Variants in LRRC4C observed in about 807,000 individuals in gnomAD.
LRRC4C encodes the protein leucine rich repeat containing 4C, also known as leucine-rich repeat-containing protein 4C.
In LRRC4C, 5 loss-of-function variants were observed where a neutral mutation model predicts 33.6. The ratio of observed to expected loss-of-function variants is 0.15; its 90% CI spans 0.08 to 0.31. The LOEUF is 0.31. Among genes scored for constraint, LRRC4C ranks in the 10% least tolerant of loss-of-function variants. LRRC4C has a pLI of 1.00. For missense variants in LRRC4C, 560 were observed against 796.7 expected, an observed-to-expected ratio of 0.70 and a Z score of 3.58; for synonymous variants, 329 against 302.0, an observed-to-expected ratio of 1.09 and a Z score of -0.93.
intron 5 of LRRC4C, among the ~76,000 whole-genome samples, chr11:40,208,240 A>G (rs906024686): frequency 2.6e-5 from 4 of 152,216 alleles, no homozygotes; most frequent in African/African-American, 9.6e-5. Flanking sequence ...AAGTCAAAAC[A>G]CTACAAAATT....
intron 2 of LRRC4C, among the ~76,000 whole-genome samples, chr11:40,818,343 T>A (rs1951788604): frequency 6.6e-6 from 1 of 152,102 alleles, no homozygotes; most frequent in African/African-American, 2.4e-5. Context: ...CCTTCCATCT[T>A]TATATATCCA....
intron 2 of LRRC4C, among the ~76,000 whole-genome samples, chr11:40,816,955 T>C (rs1025955384): frequency 1.2e-4 from 19 of 152,136 alleles, no homozygotes; most frequent in Non-Finnish European, 2.4e-4. Flanking sequence ...TAAAGACAGG[T>C]ATTCCTGGAT....
intron 3 of LRRC4C, among the ~76,000 whole-genome samples, chr11:40,586,828 A>G (rs1411855261): frequency 6.6e-6 from 1 of 151,990 alleles, no homozygotes; most frequent in African/African-American, 2.4e-5. Context: ...TGTTCCATTG[A>G]TCTATATCTC....
intron 1 of LRRC4C, among the ~76,000 whole-genome samples, chr11:41,154,037 A>C (rs1285611532): frequency 6.6e-6 from 1 of 152,180 alleles, no homozygotes; most frequent in African/African-American, 2.4e-5. Flanking sequence ...TGTCACCTAG[A>C]GCTTGAAACG....
In LRRC4C at chr11:41,361,023, C is replaced by G. The variant is rs559946300; in HGVS notation, c.-496+98408G>C. On this transcript the variant is annotated intron_variant, in intron 1 of 6. Coordinates refer to ENST00000528697, the MANE Select transcript of LRRC4C (RefSeq NM_001258419.2). ...ACTACACAATATAAATGATTTGAGT[C>G]TAAATCAAAAGAGTCTGTGTTACAA... 1.1e-4 allele frequency among the ~76,000 whole-genome samples: 17 copies of G among 152,274 alleles called. No homozygotes were observed. In the East Asian group the frequency reaches 3.1e-3, roughly 28 times the overall value.
intron 6 of LRRC4C, among the ~76,000 whole-genome samples, chr11:40,122,607 G>A (rs935352290): frequency 3.3e-5 from 5 of 152,030 alleles, no homozygotes; most frequent in Middle Eastern, 3.2e-3. Context: ...ACTTTGTGAG[G>A]TGGTTCTTTT....
chr11:40,163,545 T>G (rs1590582959), intron 5 of LRRC4C, among the ~76,000 whole-genome samples: 1 of 152,306 alleles, frequency 6.6e-6, no homozygotes, highest in Non-Finnish European at 1.5e-5. Flanking sequence ...TATTTATATA[T>G]ATTTGTGTAT....
chr11:40,990,675 TA>T (rs1425563561), intron 1 of LRRC4C, among the ~76,000 whole-genome samples: 4 of 152,160 alleles, frequency 2.6e-5, no homozygotes, highest in South Asian at 2.1e-4. Flanking sequence ...AGAGCAGTGG[TA>T]GATAAAACTG....
At chr11:41,206,968 CTATATA>C (rs1364240235) in intron 1 of LRRC4C, among the ~76,000 whole-genome samples, 1 of 151,928 alleles carries the variant, frequency 6.6e-6, no homozygotes, top group Non-Finnish European at 1.5e-5. Context: ...ATGCTATACA[CTATATA>C]TATATTTTTC....
intron 1 of LRRC4C, among the ~76,000 whole-genome samples, chr11:41,179,318 A>C (rs1945342921): frequency 6.6e-6 from 1 of 152,260 alleles, no homozygotes; most frequent in South Asian, 2.1e-4. Flanking sequence ...TCTAACACTC[A>C]GTTTACCAAG....
At chr11:41,055,712 C>T (rs965711974) in intron 1 of LRRC4C, among the ~76,000 whole-genome samples, 6 of 152,080 alleles carry the variant, frequency 3.9e-5, no homozygotes, top group African/African-American at 1.2e-4. Context: ...TATACGTATG[C>T]TTTTGTGGGA....
In LRRC4C at chr11:41,409,942, CTAA is replaced by C. The variant is rs954832004; in HGVS notation, c.-496+49486_-496+49488del. 1.6e-4 allele frequency among the ~76,000 whole-genome samples: 25 copies of C among 152,204 alleles called. No homozygotes were observed. The South Asian group carries it at 1.7e-3, about 10-fold the overall frequency. On this transcript the variant is annotated intron_variant, in intron 1 of 6. Coordinates refer to ENST00000528697, the MANE Select transcript of LRRC4C (RefSeq NM_001258419.2). ...TTAATGTTTTTTTATTTCCATCATC[CTAA>C]TGAGAGAAATATGTGCATTTGTACC... is the stretch of plus-strand genomic sequence containing the variant.
Position 41,183,629 on chromosome 11 carries a change from G to T in LRRC4C, c.-495-249906C>A, listed in dbSNP as rs114847954. 6.3e-3 allele frequency among the ~76,000 whole-genome samples: 953 copies of T among 152,258 alleles called. 15 individuals are homozygous for T. Among genetic ancestry groups the T allele is most frequent in the African/African-American group, 0.022 (905 of 41,556 alleles). On this transcript the variant is annotated intron_variant, in intron 1 of 6. Transcript: ENST00000528697. ...CTGCTGGCTGCTTTCACAAGCTGGT[G>T]TTGTGTCTGCAGCTTTTCCAGGCAC...
At chr11:40,673,021 G>A (rs1050244544) in intron 2 of LRRC4C, among the ~76,000 whole-genome samples, 22 of 149,970 alleles carry the variant, frequency 1.5e-4, no homozygotes, top group African/African-American at 5.2e-4. Context: ...TATTACCTAA[G>A]CCTATCTTAA....
intron 1 of LRRC4C, among the ~76,000 whole-genome samples, chr11:41,288,422 G>A (rs1002643465): frequency 6.6e-6 from 1 of 152,104 alleles, no homozygotes; most frequent in Non-Finnish European, 1.5e-5. Flanking sequence ...GGGAGAGAGA[G>A]TGTATGAGAC....
intron 1 of LRRC4C, among the ~76,000 whole-genome samples, chr11:41,278,697 C>T (rs1193402475): frequency 6.6e-6 from 1 of 152,224 alleles, no homozygotes; most frequent in Non-Finnish European, 1.5e-5. Flanking sequence ...GTCCTGGAAT[C>T]ACTGCTGAAG....
chr11:40,582,025 G>T (rs908915457), intron 3 of LRRC4C, among the ~76,000 whole-genome samples: 1 of 152,082 alleles, frequency 6.6e-6, no homozygotes, highest in Admixed American at 6.5e-5. Flanking sequence ...AGTGGAAAAG[G>T]CTTAGAAAAG....
intron 1 of LRRC4C, among the ~76,000 whole-genome samples, chr11:40,972,597 TGGGAG>T (rs1851801363): frequency 1.3e-5 from 2 of 152,168 alleles, no homozygotes; most frequent in South Asian, 4.2e-4. Flanking sequence ...CAGCATGGCT[TGGGAG>T]GGCTGAAGAA....
chr11:40,613,219 A>T (rs2135899148), intron 3 of LRRC4C, among the ~76,000 whole-genome samples: 1 of 151,996 alleles, frequency 6.6e-6, no homozygotes, highest in Middle Eastern at 3.4e-3. Flanking sequence ...ATGTTGTTTG[A>T]TAATACTTTG....
Sources: allele counts gnomAD v4.1 joint callset (sites outside exome capture counted in the v4.1 genomes callset), GRCh38; gene constraint gnomAD v4.1.1; transcripts MANE v1.5; gene names NCBI Gene and HGNC (gene_info 2026-07-23, HGNC 2026-07-21).